The following BTAF1 variants were observed in gnomAD, a reference collection of about 807,000 sequenced individuals.
The protein encoded by BTAF1 is TATA-binding protein-associated factor 172.
Under a neutral mutation model 227.1 loss-of-function variants are expected in BTAF1, and 38 were observed. The observed-to-expected ratio is 0.17, with a 90% CI of 0.13 to 0.22. The LOEUF is 0.22. BTAF1 is among the 10% of genes least tolerant of loss of function. The pLI, the probability that BTAF1 is intolerant of heterozygous loss-of-function variation, is 1.00. For synonymous variants in BTAF1, 742 were observed against 751.9 expected, an observed-to-expected ratio of 0.99 and a Z score of 0.21; for missense variants, 1,598 against 2,204.0, an observed-to-expected ratio of 0.73 and a Z score of 5.51.
intron 25 of BTAF1, 108 bp downstream of exon 25, chr10:91,997,859 A>T (rs1849246013): frequency 6.0e-6 from 7 of 1,163,032 alleles, no homozygotes; most frequent in Non-Finnish European, 8.5e-6. Flanking sequence ...CTGTAATCCC[A>T]GCACTTTCTG....
At chr10:92,006,872 ATAAT>A (rs1849928712) in intron 25 of BTAF1, among the ~76,000 whole-genome samples, 1 of 152,228 alleles carries the variant, frequency 6.6e-6, no homozygotes, top group African/African-American at 2.4e-5. Context: ...AAGAAAAGTA[ATAAT>A]TATTTTCTGG....
chr10:91,938,058 C>G lies in BTAF1; in HGVS notation c.139-1894C>G, dbSNP rs191372225. Among the ~76,000 whole-genome samples the G allele has an allele frequency of 1.9e-3, 295 of 152,260 alleles. 2 individuals are homozygous for G. The highest frequency in any genetic ancestry group is 6.8e-3 in the African/African-American group (282 of 41,564). The stretch of plus-strand genomic sequence containing the variant: ...ATTCATTTGTATGTCTTCACTTGAT[C>G]TTAGCCAAAAAGCAGAGAAGCAATA... On this transcript the variant is annotated intron_variant, in intron 2 of 37. Coordinates refer to ENST00000265990, the MANE Select transcript of BTAF1 (RefSeq NM_003972.3).
intron 35 of BTAF1, among the ~76,000 whole-genome samples, chr10:92,025,179 A>G (rs1590004846): frequency 6.6e-6 from 1 of 152,160 alleles, no homozygotes; most frequent in African/African-American, 2.4e-5. Context: ...TGTGACTGTA[A>G]TAGAAAAGCA....
chr10:91,955,770 G>T (rs942947211), intron 6 of BTAF1, among the ~76,000 whole-genome samples: 1 of 152,166 alleles, frequency 6.6e-6, no homozygotes, highest in African/African-American at 2.4e-5. Context: ...TACTAATGTG[G>T]CTAGATGTGG....
At chr10:92,004,181 T>C (rs1367454121) in intron 25 of BTAF1, among the ~76,000 whole-genome samples, 2 of 152,332 alleles carry the variant, frequency 1.3e-5, no homozygotes, top group African/African-American at 4.8e-5. Flanking sequence ...CTGTTGGTTG[T>C]CTCTTCAGTC....
intron 14 of BTAF1, among the ~76,000 whole-genome samples, chr10:91,976,934 G>A (rs780217987): frequency 6.6e-6 from 1 of 152,176 alleles, no homozygotes; most frequent in African/African-American, 2.4e-5. Flanking sequence ...GATATGGGAG[G>A]TAGAAGACAC....
At chr10:92,026,514 T>A in intron 35 of BTAF1, 78 bp from the exon 36 acceptor site, 1 of 1,179,354 alleles carries the variant, frequency 8.5e-7, no homozygotes, top group African/African-American at 1.5e-5. Context: ...TTTTCATTTG[T>A]GCTCTTTAAT....
intron 6 of BTAF1, 45 bp downstream of exon 6, chr10:91,953,918 GT>G (rs781019587): frequency 6.2e-7 from 1 of 1,605,152 alleles, no homozygotes; most frequent in African/African-American, 1.3e-5. Context: ...AGAGGGCTCT[GT>G]GGCTTTAATC....
chr10:91,989,698 A>G, intron 20 of BTAF1, 118 bp downstream of exon 20: 1 of 1,002,078 alleles, frequency 1.0e-6, no homozygotes, highest in Non-Finnish European at 1.4e-6. Flanking sequence ...TCCCATTCTG[A>G]GAGAAAAGGC....
chr10:91,947,581 G>A (rs1425717890), intron 4 of BTAF1, among the ~76,000 whole-genome samples: 2 of 152,046 alleles, frequency 1.3e-5, no homozygotes, highest in Non-Finnish European at 2.9e-5. Context: ...TCTTACGCGA[G>A]TACCACATTG....
At chr10:92,025,747 A>T (rs1253578086) in intron 35 of BTAF1, among the ~76,000 whole-genome samples, 1 of 145,962 alleles carries the variant, frequency 6.9e-6, no homozygotes, top group Non-Finnish European at 1.5e-5. Context: ...GCAGAGTTGC[A>T]GTGAGCAGAG....
chr10:92,026,864 T>G (rs1277020837), intron 36 of BTAF1, 113 bp downstream of exon 36: 2 of 1,207,658 alleles, frequency 1.7e-6, no homozygotes, highest in African/African-American at 3.1e-5. Flanking sequence ...ACATGTGTTA[T>G]GACCTTGGAC....
chr10:91,923,912 C>A lies in BTAF1; in HGVS notation c.-165C>A. 2 of 788,094 alleles carry A rather than the reference C, an allele frequency of 2.5e-6. No homozygotes were observed. The highest frequency in any genetic ancestry group is 3.7e-6 in the Non-Finnish European group (2 of 547,630). 48.8% of individuals were successfully genotyped at this position (788,094 alleles called of 1,614,324 possible). A position where few individuals can be genotyped will look rare whatever the true frequency, so the allele number is the denominator to read the frequency against. Reference sequence around the variant, plus strand: ...CGCCGCGGGGACGAGCTCGGGTAGGCGGCAGGGCAGATGCCCGAGGGCCTG... The same window carrying A: ...CGCCGCGGGGACGAGCTCGGGTAGGAGGCAGGGCAGATGCCCGAGGGCCTG... On this transcript the variant is annotated 5_prime_UTR_variant, in exon 1 of 38. Coordinates refer to ENST00000265990, the MANE Select transcript of BTAF1 (RefSeq NM_003972.3).
intron 23 of BTAF1, among the ~76,000 whole-genome samples, chr10:91,995,950 A>G (rs1849118943): frequency 6.6e-6 from 1 of 152,234 alleles, no homozygotes. Flanking sequence ...GGAACACTCA[A>G]GCCACTGAAT....
At chr10:91,996,991 A>G (rs975200119) in intron 24 of BTAF1, 9 of 659,012 alleles carry the variant, frequency 1.4e-5, no homozygotes, top group African/African-American at 1.3e-4. Flanking sequence ...AAATGACCAT[A>G]TTATACTAGA....
At chr10:91,932,952 A>G (rs929992139) in intron 1 of BTAF1, among the ~76,000 whole-genome samples, 17 of 152,270 alleles carry the variant, frequency 1.1e-4, no homozygotes, top group African/African-American at 3.9e-4. Context: ...CCTCCCACCA[A>G]CAGTTCCCAG....
chr10:92,008,563 G>C (rs942818317), intron 26 of BTAF1, among the ~76,000 whole-genome samples: 2 of 148,276 alleles, frequency 1.3e-5, no homozygotes, highest in African/African-American at 5.0e-5. Context: ...TGCCCATGCT[G>C]GTCTTGAACT....
At chr10:92,022,776 T>C (rs1851232098) in intron 34 of BTAF1, among the ~76,000 whole-genome samples, 1 of 152,224 alleles carries the variant, frequency 6.6e-6, no homozygotes, top group South Asian at 2.1e-4. Flanking sequence ...ACACCTTAGA[T>C]AGGACTTTTT....
At chr10:91,953,575 T>G (rs1439049493) in intron 5 of BTAF1, among the ~76,000 whole-genome samples, 162 bp from the exon 6 acceptor site, 1 of 152,176 alleles carries the variant, frequency 6.6e-6, no homozygotes, top group African/African-American at 2.4e-5. Flanking sequence ...AGACTGAAAT[T>G]ATGGTACAGT....
Sources: gnomAD v4.1 joint callset for allele counts (sites outside exome capture counted in the v4.1 genomes callset) on GRCh38, gnomAD v4.1.1 for gene constraint, MANE v1.5 for transcripts, NCBI Gene and HGNC (gene_info 2026-07-23, HGNC 2026-07-21) for gene names.